Variants in EFCAB11 observed in about 807,000 individuals in gnomAD.
EFCAB11 encodes EF-hand calcium binding domain 11.
EFCAB11 carries 14 observed loss-of-function variants against 23.0 expected under a neutral mutation model. The observed-to-expected ratio is 0.61, with a 90% CI of 0.40 to 0.95. The LOEUF (loss-of-function observed/expected upper bound fraction) is 0.95, where lower values mean the gene tolerates loss of function less well. Ranked by LOEUF, EFCAB11 falls within the 40% of genes least tolerant of loss-of-function variation. The pLI is 0.00. For synonymous variants in EFCAB11, 65 were observed against 66.6 expected, an observed-to-expected ratio of 0.98 and a Z score of 0.11; for missense variants, 198 against 195.8, an observed-to-expected ratio of 1.01 and a Z score of -0.07.
At chr14:89,942,383 C>T (rs1004956167) in intron 3 of EFCAB11, among the ~76,000 whole-genome samples, 1 of 151,998 alleles carries the variant, frequency 6.6e-6, no homozygotes, top group Non-Finnish European at 1.5e-5. Context: ...AAGGATTTTG[C>T]CAAGTATTTA....
intron 5 of EFCAB11, among the ~76,000 whole-genome samples, chr14:89,858,314 C>T (rs527624929): frequency 4.6e-5 from 7 of 152,272 alleles, no homozygotes; most frequent in East Asian, 3.9e-4. Flanking sequence ...ACTGTAACTT[C>T]GTGAGAGGAC....
intron 5 of EFCAB11, among the ~76,000 whole-genome samples, chr14:89,905,704 G>A (rs1277554052): frequency 6.6e-6 from 1 of 152,134 alleles, no homozygotes; most frequent in African/African-American, 2.4e-5. Flanking sequence ...TAAAAGAAGA[G>A]GAGGAGTCAG....
chr14:89,927,628 T>C (rs1238865750), intron 5 of EFCAB11, among the ~76,000 whole-genome samples: 2 of 152,254 alleles, frequency 1.3e-5, no homozygotes, highest in African/African-American at 4.8e-5. Flanking sequence ...TAAGGATATG[T>C]GTGATATGTT....
chr14:89,893,527 G>A (rs1469754950), intron 5 of EFCAB11, among the ~76,000 whole-genome samples: 1 of 151,968 alleles, frequency 6.6e-6, no homozygotes, highest in Non-Finnish European at 1.5e-5. Context: ...TCTGGGAAAG[G>A]CCCTCCCTTC....
chr14:89,909,192 G>A (rs1042835002), intron 5 of EFCAB11, among the ~76,000 whole-genome samples: 1 of 152,154 alleles, frequency 6.6e-6, no homozygotes, highest in Admixed American at 6.5e-5. Flanking sequence ...AGGCTGAGTT[G>A]GGAAAACGGT....
At chr14:89,841,382 C>A (rs1158056649) in intron 5 of EFCAB11, among the ~76,000 whole-genome samples, 1 of 151,798 alleles carries the variant, frequency 6.6e-6, no homozygotes, top group African/African-American at 2.4e-5. Flanking sequence ...CTCCCTCTCT[C>A]CCCATCCTTT....
intron 5 of EFCAB11, among the ~76,000 whole-genome samples, chr14:89,894,569 C>A (rs572171268): frequency 1.3e-5 from 2 of 152,132 alleles, no homozygotes; most frequent in Admixed American, 6.5e-5. Flanking sequence ...CTAACCCCTA[C>A]GGCTATGATC....
At chr14:89,864,501 T>G (rs1465856059) in intron 5 of EFCAB11, among the ~76,000 whole-genome samples, 1 of 152,160 alleles carries the variant, frequency 6.6e-6, no homozygotes, top group Admixed American at 6.5e-5. Context: ...CATGGCTCAC[T>G]GCAGCCTTGA....
At chr14:89,954,121 T>C (rs1464536129) in intron 1 of EFCAB11, 120 bp from the exon 2 acceptor site, 9 of 924,290 alleles carry the variant, frequency 9.7e-6, no homozygotes, top group African/African-American at 1.7e-5. Flanking sequence ...AGTATGAAAA[T>C]AGAATTTCAT....
At chr14:89,919,445 T>G (rs1164337982) in intron 5 of EFCAB11, among the ~76,000 whole-genome samples, 2 of 152,080 alleles carry the variant, frequency 1.3e-5, no homozygotes, top group African/African-American at 4.8e-5. Context: ...GTGTCAACAT[T>G]GATTCTTGGG....
intron 2 of EFCAB11, among the ~76,000 whole-genome samples, chr14:89,951,389 G>A (rs1183982261): frequency 1.3e-5 from 2 of 152,108 alleles, no homozygotes; most frequent in East Asian, 3.9e-4. Flanking sequence ...ATCTTCTCTA[G>A]TCTAAATGAC....
chr14:89,954,664 G>A lies in EFCAB11; in HGVS notation c.-4C>T, dbSNP rs779535305. 1.2e-6 allele frequency: 2 copies of A among 1,610,922 alleles called. No individual in the cohort carries two copies. The highest frequency in any genetic ancestry group is 1.7e-6 in the Non-Finnish European group (2 of 1,179,492). ...CTCTGGCCTCGGAGAAGAACATCGC[G>A]ACTACAACAACCGAGCCCCAGCAAC... On this transcript the variant is annotated 5_prime_UTR_variant, in exon 1 of 6. Transcript: ENST00000316738.
intron 5 of EFCAB11, among the ~76,000 whole-genome samples, chr14:89,872,786 C>T (rs924783406): frequency 2.6e-5 from 4 of 151,914 alleles, no homozygotes; most frequent in Admixed American, 2.6e-4. Flanking sequence ...GATTAGGACA[C>T]ACACACACAC....
intron 5 of EFCAB11, among the ~76,000 whole-genome samples, chr14:89,912,789 A>G (rs1443025276): frequency 6.6e-6 from 1 of 152,254 alleles, no homozygotes; most frequent in Non-Finnish European, 1.5e-5. Context: ...TACTGCAGGC[A>G]TCACCAGGAC....
chr14:89,859,820 A>G (rs918805670), intron 5 of EFCAB11, among the ~76,000 whole-genome samples: 1 of 152,192 alleles, frequency 6.6e-6, no homozygotes, highest in Non-Finnish European at 1.5e-5. Flanking sequence ...CACGTCTGCA[A>G]ATGTGGAGTC....
At chr14:89,825,325 T>G (rs1886653156) in intron 5 of EFCAB11, among the ~76,000 whole-genome samples, 1 of 152,110 alleles carries the variant, frequency 6.6e-6, no homozygotes, top group Non-Finnish European at 1.5e-5. Context: ...ATCAGAATTG[T>G]GGTATGCAGT....
intron 5 of EFCAB11, among the ~76,000 whole-genome samples, chr14:89,880,235 C>A (rs1357196666): frequency 6.6e-6 from 1 of 152,140 alleles, no homozygotes; most frequent in Non-Finnish European, 1.5e-5. Context: ...GCCCAAGAGG[C>A]CCCAGAGCAC....
At chr14:89,952,388 C>T in intron 2 of EFCAB11, 8 of 985,310 alleles carry the variant, frequency 8.1e-6, no homozygotes, top group Non-Finnish European at 9.6e-6. Context: ...AGACAAGATA[C>T]CTTTCCAGGT....
chr14:89,946,391 T>C (rs1890985833), intron 3 of EFCAB11, among the ~76,000 whole-genome samples: 1 of 152,234 alleles, frequency 6.6e-6, no homozygotes, highest in African/African-American at 2.4e-5. Flanking sequence ...AGTGGGCTTC[T>C]AGGCAACACA....
Sources: allele counts gnomAD v4.1 joint callset (sites outside exome capture counted in the v4.1 genomes callset), GRCh38; gene constraint gnomAD v4.1.1; transcripts MANE v1.5; gene names NCBI Gene and HGNC (gene_info 2026-07-23, HGNC 2026-07-21).